CES1: variants seen among roughly 807,000 people sequenced by gnomAD.
CES1 encodes carboxylesterase 1.
A neutral mutation model predicts 53.0 loss-of-function variants in CES1; 50 were observed. The observed-to-expected ratio is 0.94, with a 90% CI of 0.75 to 1.19. CES1 has a LOEUF of 1.19. Among genes scored for constraint, CES1 ranks in the 50% most tolerant of loss-of-function variants. The probability of loss-of-function intolerance (pLI) is 0.00; values close to 1 mark genes in which losing one functional copy is unlikely to be tolerated. For missense variants in CES1, 534 were observed against 538.0 expected, an observed-to-expected ratio of 0.99 and a Z score of 0.07; for synonymous variants, 202 against 210.1, an observed-to-expected ratio of 0.96 and a Z score of 0.33.
At chr16:55,816,371 G>A (rs1390056668) in intron 8 of CES1, among the ~76,000 whole-genome samples, 1 of 152,244 alleles carries the variant, frequency 6.6e-6, no homozygotes, top group East Asian at 1.9e-4. Flanking sequence ...GGAGAGTGCT[G>A]TGATCTCCAG....
In CES1 at chr16:55,820,399, C is replaced by T. The variant is rs1298133395; in HGVS notation, c.774G>A (p.Lys258=). ...SGVALTSVLV[K]KGDVKPLAEQ... is the part of the protein sequence containing the mutation. ...CAGCCAAGGGCTTGACATCACCTTT[C>T]TTCACCAGAACAGAAGTGAGGGCCA... The change falls in exon 6 of 14, where the codon AAG becomes AAA. Residue 258 remains lysine (K), a synonymous_variant. Coordinates refer to ENST00000360526, the MANE Select transcript of CES1 (RefSeq NM_001025195.2). 1.9e-6 allele frequency: 3 copies of T among 1,597,962 alleles called. No individual in the cohort carries two copies. Among genetic ancestry groups the T allele is most frequent in the Non-Finnish European group, 2.6e-6 (3 of 1,169,212 alleles).
intron 5 of CES1, 83 bp downstream of exon 5, chr16:55,821,285 C>T: frequency 6.5e-7 from 1 of 1,537,868 alleles, no homozygotes; most frequent in Non-Finnish European, 9.0e-7. Context: ...CAGAGGTATC[C>T]ATAGCTGGAT....
At chr16:55,831,500 T>C (rs1407184516) in intron 1 of CES1, among the ~76,000 whole-genome samples, 1 of 150,576 alleles carries the variant, frequency 6.6e-6, no homozygotes, top group Non-Finnish European at 1.5e-5. Context: ...GGTGGGCACC[T>C]ACTATGTGCC....
chr16:55,825,424 C>T (rs2032379168), intron 3 of CES1, among the ~76,000 whole-genome samples: 1 of 152,234 alleles, frequency 6.6e-6, no homozygotes, highest in South Asian at 2.1e-4. Flanking sequence ...TGGCGGGCTG[C>T]CCCATGTCCT....
intron 1 of CES1, among the ~76,000 whole-genome samples, chr16:55,829,529 G>C (rs1461688378): frequency 6.6e-6 from 1 of 152,248 alleles, no homozygotes; most frequent in Admixed American, 6.5e-5. Context: ...GACTGAATGA[G>C]GGGAGATGAG....
In CES1 at chr16:55,826,119, A is replaced by G. The variant is rs757988178; in HGVS notation, c.405+32T>C. 2.5e-6 allele frequency: 4 copies of G among 1,613,746 alleles called. No homozygotes were observed. In the Admixed American group the frequency reaches 6.7e-5, roughly 27 times the overall value. On this transcript the variant is annotated intron_variant, in intron 3 of 13. Transcript: ENST00000360526. The stretch of plus-strand genomic sequence containing the variant: ...CAGAAGATGCGGGGTACTGGCACTG[A>G]CACGCCTTGACCAGGGGGTCCCACA...
chr16:55,830,761 GGAAGGAAGGAAA>G (rs1331015477), intron 1 of CES1, among the ~76,000 whole-genome samples: 27 of 145,176 alleles, frequency 1.9e-4, no homozygotes, highest in African/African-American at 6.2e-4. Flanking sequence ...AAGGAAAGAA[GGAAGGAAGGAAA>G]GAAGGAAGGA....
At chr16:55,826,129 AC>A in intron 3 of CES1, 21 bp downstream of exon 3, 1 of 1,613,944 alleles carries the variant, frequency 6.2e-7, no homozygotes, top group East Asian at 2.2e-5. Context: ...ACACGCCTTG[AC>A]CAGGGGGTCC....
At chr16:55,829,543 C>T (rs1304987676) in intron 1 of CES1, among the ~76,000 whole-genome samples, 2 of 152,202 alleles carry the variant, frequency 1.3e-5, no homozygotes, top group Non-Finnish European at 2.9e-5. Flanking sequence ...AGATGAGAAG[C>T]AGAGAGTGGT....
intron 3 of CES1, among the ~76,000 whole-genome samples, chr16:55,825,175 AGAATGAATGAATGAATGAAT>A (rs3064342): frequency 2.7e-5 from 4 of 150,404 alleles, no homozygotes; most frequent in African/African-American, 4.9e-5. Flanking sequence ...ACACAATAGA[AGAATGAATGAATGAATGAAT>A]GAATGAATGA....
At chr16:55,832,239 C>T (rs1314206165) in intron 1 of CES1, among the ~76,000 whole-genome samples, 5 of 152,160 alleles carry the variant, frequency 3.3e-5, no homozygotes, top group East Asian at 1.9e-4. Flanking sequence ...GCCTCAGATC[C>T]GCCCTGTCCC....
intron 6 of CES1, chr16:55,820,043 T>C (rs544055597): frequency 3.5e-6 from 2 of 563,388 alleles, no homozygotes; most frequent in Admixed American, 6.1e-5. Context: ...CTGCCCAACA[T>C]GGCACCAGGC....
intron 7 of CES1, 39 bp downstream of exon 7, chr16:55,819,496 A>C: frequency 1.4e-6 from 2 of 1,476,184 alleles, no homozygotes; most frequent in South Asian, 2.2e-5. Flanking sequence ...GTCTGGGACC[A>C]AGTTTACAGG....
At chr16:55,821,555 C>G in intron 4 of CES1, 34 bp from the exon 5 acceptor site, 2 of 1,613,576 alleles carry the variant, frequency 1.2e-6, no homozygotes, top group Non-Finnish European at 8.5e-7. Context: ...GGGTGGGGAG[C>G]AGAGATGTCA....
rs560426140 is a variant in CES1, at chr16:55,819,578, C to T, written c.863G>A (p.Arg288Gln). ...TTSAVMVHCL[R>Q]QKTEEELLET... ...CAAGAGCTCCTCTTCCGTCTTCTGT[C>T]GCAGGCAGTGAACCATGACAGCAGA... The change falls in exon 7 of 14, where the codon CGA becomes CAA. Residue 288 changes from arginine (R) to glutamine (Q), a missense_variant. Arg to Gln is a conservative substitution (Grantham distance 43, BLOSUM62 1). Around this residue, in one of 5 missense-constraint regions of CES1, gnomAD observed 269 missense variants for 206.6 expected, o/e 1.30. Transcript: ENST00000360526. 9 of 1,614,160 alleles carry T rather than the reference C, an allele frequency of 5.6e-6. No individual in the cohort carries two copies. Among genetic ancestry groups the T allele is most frequent in the African/African-American group, 4.0e-5 (3 of 75,032 alleles).
chr16:55,823,183 A>G (rs1278515299), intron 4 of CES1, among the ~76,000 whole-genome samples: 1 of 151,140 alleles, frequency 6.6e-6, no homozygotes, highest in Non-Finnish European at 1.5e-5. Flanking sequence ...CAGATGTGTC[A>G]ACCTTCACCT....
chr16:55,832,873 T>C (rs1167930799), intron 1 of CES1, 131 bp downstream of exon 1: 2 of 898,180 alleles, frequency 2.2e-6, no homozygotes, highest in Non-Finnish European at 3.7e-6. Context: ...GTCCAAGTCC[T>C]AATATGGAAG....
intron 6 of CES1, 42 bp downstream of exon 6, chr16:55,820,330 G>A (rs2032119155): frequency 2.4e-6 from 3 of 1,227,656 alleles, no homozygotes; most frequent in Non-Finnish European, 3.5e-6. Context: ...GAGCCAAGGA[G>A]GTGGGGGTGT....
At chr16:55,822,993 T>A (rs148423263) in intron 4 of CES1, among the ~76,000 whole-genome samples, 146 of 152,136 alleles carry the variant, frequency 9.6e-4, no homozygotes, top group African/African-American at 3.5e-3. Flanking sequence ...GAAGACTCCA[T>A]CCTTGCTTCC....
Sources: gnomAD v4.1 joint callset for allele counts (sites outside exome capture counted in the v4.1 genomes callset) on GRCh38, gnomAD v4.1.1 for gene constraint, gnomAD v4.1.1 regional missense constraint, MANE v1.5 for transcripts, NCBI Gene and HGNC (gene_info 2026-07-23, HGNC 2026-07-21) for gene names.